Variants in PLPP3 observed in about 807,000 individuals in gnomAD.
PLPP3 encodes the protein phospholipid phosphatase 3.
A neutral mutation model predicts 29.6 loss-of-function variants in PLPP3; 6 were observed. The observed-to-expected ratio is 0.20, with a 90% confidence interval of 0.11 to 0.40. The LOEUF (loss-of-function observed/expected upper bound fraction) is 0.40, where lower values mean the gene tolerates loss of function less well. Among genes scored for constraint, PLPP3 ranks in the 10% least tolerant of loss-of-function variants. The pLI, the probability that PLPP3 is intolerant of heterozygous loss-of-function variation, is 1.00. For synonymous variants in PLPP3, 152 were observed against 159.7 expected, an observed-to-expected ratio of 0.95 and a Z score of 0.36; for missense variants, 308 against 407.7, an observed-to-expected ratio of 0.76 and a Z score of 2.11.
At chr1:56,568,791 AT>A (rs559308813) in intron 1 of PLPP3, among the ~76,000 whole-genome samples, 6 of 151,834 alleles carry the variant, frequency 4.0e-5, no homozygotes, top group African/African-American at 1.5e-4. Flanking sequence ...TGCCTGGCTA[AT>A]TTTTTTGTAT....
At chr1:56,564,813 G>A (rs1321090490) in intron 1 of PLPP3, among the ~76,000 whole-genome samples, 4 of 152,120 alleles carry the variant, frequency 2.6e-5, no homozygotes, top group Admixed American at 6.6e-5. Flanking sequence ...TCCCTCCTGC[G>A]GTGTCACTGG....
chr1:56,505,921 T>C (rs1315715264), intron 5 of PLPP3, among the ~76,000 whole-genome samples: 1 of 152,194 alleles, frequency 6.6e-6, no homozygotes, highest in African/African-American at 2.4e-5. Flanking sequence ...ATAGTGTCGT[T>C]ATCTATTGGC....
At chr1:56,514,846 A>G (rs1377005733) in intron 4 of PLPP3, among the ~76,000 whole-genome samples, 1 of 152,174 alleles carries the variant, frequency 6.6e-6, no homozygotes, top group African/African-American at 2.4e-5. Context: ...GCAATACCAA[A>G]GTCAGTGAAT....
intron 1 of PLPP3, 29 bp from the exon 2 acceptor site, chr1:56,537,141 C>A (rs1645933330): frequency 8.2e-6 from 13 of 1,576,812 alleles, no homozygotes; most frequent in Admixed American, 5.6e-5. Context: ...TGGCATATAC[C>A]AGAAAAAAAA....
chr1:56,557,945 C>T (rs1646096385), intron 1 of PLPP3, among the ~76,000 whole-genome samples: 1 of 152,180 alleles, frequency 6.6e-6, no homozygotes, highest in African/African-American at 2.4e-5. Flanking sequence ...TGTTTGGGCT[C>T]TCTTTCCAAA....
intron 1 of PLPP3, among the ~76,000 whole-genome samples, chr1:56,557,008 A>AAGAAAGAAAGAAAGAGAG (rs1553139323): frequency 1.5e-3 from 20 of 13,732 alleles, no homozygotes; most frequent in African/African-American, 4.5e-3. Context: ...GAAAGAAAGA[A>AAGAAAGAAAGAAAGAGAG]AGAGAGAGAG....
At chr1:56,499,220 G>C (rs1158511239) in intron 5 of PLPP3, among the ~76,000 whole-genome samples, 1 of 152,032 alleles carries the variant, frequency 6.6e-6, no homozygotes, top group Non-Finnish European at 1.5e-5. Flanking sequence ...ATCATATGAA[G>C]ATTAAAGGCA....
intron 1 of PLPP3, among the ~76,000 whole-genome samples, chr1:56,561,248 A>C (rs1002907554): frequency 1.3e-5 from 2 of 151,922 alleles, no homozygotes; most frequent in African/African-American, 4.8e-5. Flanking sequence ...TTTTAATAGA[A>C]GCTATCATGG....
chr1:56,513,970 G>A (rs549500137), intron 4 of PLPP3, among the ~76,000 whole-genome samples: 11 of 151,538 alleles, frequency 7.3e-5, no homozygotes, highest in African/African-American at 2.4e-4. Flanking sequence ...ATGGACATCC[G>A]AAAAAGATGT....
In PLPP3 at chr1:56,508,666, G is replaced by C. The variant is rs536137014; in HGVS notation, c.810+3310C>G. On this transcript the variant is annotated intron_variant, in intron 5 of 5. Coordinates refer to ENST00000371250, the MANE Select transcript of PLPP3 (RefSeq NM_003713.5). Reference sequence around the variant, plus strand: ...TTCGTGGGGAAGAGTTCTGTCATGTGGCACAAGCAGAGCAGAGGTCACAGA... The same window carrying C: ...TTCGTGGGGAAGAGTTCTGTCATGTCGCACAAGCAGAGCAGAGGTCACAGA... Among the ~76,000 whole-genome samples the C allele has an allele frequency of 3.3e-5, 5 of 152,298 alleles. No individual in the cohort carries two copies. The South Asian group carries it at 1.0e-3, about 32-fold the overall frequency.
chr1:56,539,244 C>A (rs1645951886), intron 1 of PLPP3, among the ~76,000 whole-genome samples: 1 of 152,074 alleles, frequency 6.6e-6, no homozygotes, highest in African/African-American at 2.4e-5. Context: ...AAGATAAAAT[C>A]CCATTTTTCA....
At chr1:56,538,062 C>A (rs1645940079) in intron 1 of PLPP3, among the ~76,000 whole-genome samples, 1 of 152,172 alleles carries the variant, frequency 6.6e-6, no homozygotes, top group Non-Finnish European at 1.5e-5. Context: ...CTACAGATAG[C>A]CACCAGTTTG....
rs1645933118 is a variant in PLPP3, at chr1:56,537,130, A to G, written c.140-18T>C. 1 of 1,612,000 alleles carries G rather than the reference A, an allele frequency of 6.2e-7. No homozygotes were observed. The highest frequency in any genetic ancestry group is 1.3e-5 in the African/African-American group (1 of 74,778). ...GAGGCCCGCTGGTCCAGGTGGAACC[A>G]TGGCATATACCAGAAAAAAAAAGAA... On this transcript the variant is annotated intron_variant, in intron 1 of 5. Transcript: ENST00000371250.
chr1:56,556,304 A>G (rs1646076169), intron 1 of PLPP3, among the ~76,000 whole-genome samples: 1 of 152,202 alleles, frequency 6.6e-6, no homozygotes, highest in Non-Finnish European at 1.5e-5. Flanking sequence ...TCACAGAGAT[A>G]TATAGAGAGG....
intron 2 of PLPP3, among the ~76,000 whole-genome samples, chr1:56,525,930 C>A (rs1487364774): frequency 6.6e-6 from 1 of 152,066 alleles, no homozygotes; most frequent in East Asian, 1.9e-4. Context: ...GGGAGGACGA[C>A]CACGTAGGAA....
chr1:56,552,222 TAA>T (rs60245862), intron 1 of PLPP3, among the ~76,000 whole-genome samples: 53 of 106,452 alleles, frequency 5.0e-4, no homozygotes, highest in East Asian at 7.6e-4. Context: ...GAGGCACTTA[TAA>T]AAAAAAAAAA....
chr1:56,563,455 GTC>G (rs993595565), intron 1 of PLPP3, among the ~76,000 whole-genome samples: 1 of 152,178 alleles, frequency 6.6e-6, no homozygotes, highest in African/African-American at 2.4e-5. Flanking sequence ...TGATATTGCT[GTC>G]TCTCTGCAGA....
rs1349322791 is a variant in PLPP3, at chr1:56,544,959, G to GT, written c.140-7848dup. 3.3e-5 allele frequency among the ~76,000 whole-genome samples: 5 copies of GT among 152,166 alleles called. No homozygotes were observed. In the East Asian group the frequency reaches 9.6e-4, roughly 29 times the overall value. On this transcript the variant is annotated intron_variant, in intron 1 of 5. Transcript: ENST00000371250. ...ACAGCAATAGTCCCATCCATGCAAA[G>GT]TATTTCTGAGCTCTTACATAAATCA...
chr1:56,543,307 C>T lies in PLPP3; in HGVS notation c.140-6195G>A, dbSNP rs564511213. ...GGTTATTATTTTCATGTATACCCAA[C>T]AGAAAACTGAGGCCAGAAGTTTTAT... On this transcript the variant is annotated intron_variant, in intron 1 of 5. Transcript: ENST00000371250. Among the ~76,000 whole-genome samples the T allele has an allele frequency of 6.2e-4, 94 of 152,288 alleles. 3 individuals are homozygous for T. The South Asian group carries it at 0.019, about 31-fold the overall frequency.
Sources: allele counts gnomAD v4.1 joint callset (sites outside exome capture counted in the v4.1 genomes callset), GRCh38; gene constraint gnomAD v4.1.1; transcripts MANE v1.5; gene names NCBI Gene and HGNC (gene_info 2026-07-23, HGNC 2026-07-21).